The following ECM2 variants were observed in gnomAD, a reference collection of about 807,000 sequenced individuals.
The protein encoded by ECM2 is extracellular matrix protein 2.
In ECM2, 57 loss-of-function variants were observed where a neutral mutation model predicts 67.5. That is an observed-to-expected ratio of 0.84 (90% CI 0.68 to 1.05). The LOEUF is 1.05. ECM2 is among the 50% of genes least tolerant of loss of function. The pLI is 0.00. For synonymous variants in ECM2, 258 were observed against 294.5 expected (o/e 0.88, Z 1.27); for missense variants, 741 against 822.8 (o/e 0.90, Z 1.22).
chr9:92,527,238 T>G (rs1298082267), intron 1 of ECM2, among the ~76,000 whole-genome samples: 1 of 152,184 alleles, frequency 6.6e-6, no homozygotes, highest in Non-Finnish European at 1.5e-5. Context: ...CTCAAACTCC[T>G]GAGCTCAAGT....
the ECM2 span, among the ~76,000 whole-genome samples, chr9:92,558,549 G>A: frequency 6.6e-5 from 10 of 152,242 alleles, no homozygotes; most frequent in Non-Finnish European, 1.2e-4. Flanking sequence ...GGTGGCAGAG[G>A]GTGCAATGGA....
chr9:92,509,711 A>T (rs1053026613), intron 6 of ECM2, among the ~76,000 whole-genome samples, 188 bp downstream of exon 6: 1 of 152,260 alleles, frequency 6.6e-6, no homozygotes, highest in Non-Finnish European at 1.5e-5. Context: ...CAAAGACAAT[A>T]GGCAGTTTAA....
chr9:92,547,591 G>A, the ECM2 span, among the ~76,000 whole-genome samples: 26,806 of 152,168 alleles, frequency 0.18, 3,425 homozygotes, highest in East Asian at 0.66. Flanking sequence ...GATTTCATTC[G>A]TATGAAATGT....
chr9:92,551,669 C>T, the ECM2 span, among the ~76,000 whole-genome samples: 1 of 151,786 alleles, frequency 6.6e-6, no homozygotes, highest in Non-Finnish European at 1.5e-5. Context: ...TATCCCTCAC[C>T]CCACTCCCAC....
chr9:92,551,202 G>A, the ECM2 span, among the ~76,000 whole-genome samples: 2 of 152,170 alleles, frequency 1.3e-5, no homozygotes, highest in African/African-American at 4.8e-5. Context: ...GGGATTGGAA[G>A]CCAGGAATTA....
In ECM2 at chr9:92,517,770, C is replaced by T; in HGVS notation, c.398G>A (p.Cys133Tyr). 1.2e-6 allele frequency: 2 copies of T among 1,614,198 alleles called. No homozygotes were observed. Among genetic ancestry groups the T allele is most frequent in the African/African-American group, 1.3e-5 (1 of 75,052 alleles). The change falls in exon 3 of 10, where the codon TGT becomes TAT. Residue 133 changes from cysteine to tyrosine, a missense_variant. Physicochemically the swap from Cys to Tyr is radical, Grantham distance 194. Coordinates refer to ENST00000344604, the MANE Select transcript of ECM2 (RefSeq NM_001393.4). Reference protein sequence around the residue: ...TCLCSDGRVLCDETMCHPQRC... With the variant: ...TCLCSDGRVLYDETMCHPQRC... ...CTGGGGATGGCACATGGTTTCATCA[C>T]AAAGAACTCTTCCATCTGAGCAGAG...
chr9:92,555,003 TTTGTTGTTGTTGTTGTTG>T, the ECM2 span, among the ~76,000 whole-genome samples: 4 of 149,706 alleles, frequency 2.7e-5, no homozygotes, highest in Non-Finnish European at 5.9e-5. Context: ...GTCTGTATTG[TTTGTTGTTGTTGTTGTTG>T]TTGTTGTTGT....
chr9:92,496,054 T>C lies in ECM2; in HGVS notation c.*261A>G. 1 of 1,069,054 alleles carries C rather than the reference T, an allele frequency of 9.4e-7. No individual in the cohort carries two copies. The highest frequency in any genetic ancestry group is 3.9e-5 in the South Asian group (1 of 25,960). The allele number at this position is 1,069,054 out of a possible 1,614,324, so 66.2% of individuals were successfully genotyped here. A position where few individuals can be genotyped will look rare whatever the true frequency, so the allele number is the denominator to read the frequency against. On this transcript the variant is annotated 3_prime_UTR_variant, in exon 10 of 10. Coordinates refer to ENST00000344604, the MANE Select transcript of ECM2 (RefSeq NM_001393.4). ...CAGACTCTTCTGGTCTAGCTCAGTA[T>C]GCATAATATCCTATTCTAGTGAGAT...
At chr9:92,552,286 A>C in the ECM2 span, among the ~76,000 whole-genome samples, 1 of 151,696 alleles carries the variant, frequency 6.6e-6, no homozygotes, top group Non-Finnish European at 1.5e-5. Flanking sequence ...GCAACTGTGA[A>C]TTGTGCTGCT....
intron 8 of ECM2, among the ~76,000 whole-genome samples, chr9:92,501,820 A>C (rs1180929683): frequency 6.6e-6 from 1 of 152,108 alleles, no homozygotes; most frequent in East Asian, 1.9e-4. Flanking sequence ...CCCAGATCCC[A>C]GTTGTCTGCT....
intron 2 of ECM2, among the ~76,000 whole-genome samples, chr9:92,518,988 G>A (rs1847899814): frequency 6.6e-6 from 1 of 152,120 alleles, no homozygotes; most frequent in Non-Finnish European, 1.5e-5. Flanking sequence ...AGCTAAGCAG[G>A]CCATTAGAAA....
Position 92,528,886 on chromosome 9 carries a change from C to A in ECM2, c.-27-5993G>T, listed in dbSNP as rs74513654. Among the ~76,000 whole-genome samples, 712 of 152,306 alleles carry A rather than the reference C, an allele frequency of 4.7e-3. 4 individuals carry two copies. Among genetic ancestry groups the A allele is most frequent in the African/African-American group, 0.015 (614 of 41,564 alleles). On this transcript the variant is annotated intron_variant, in intron 1 of 9. Transcript: ENST00000344604. ...AAAGTTGACCCATAATGGGAAAAAT[C>A]AGTTTATTGAAACCAGTTCAGAAAT...
chr9:92,512,418 G>A (rs1456551146), intron 4 of ECM2, among the ~76,000 whole-genome samples: 1 of 152,238 alleles, frequency 6.6e-6, no homozygotes, highest in Non-Finnish European at 1.5e-5. Flanking sequence ...GTCTGCTGGA[G>A]AGTACTGGTA....
At chr9:92,554,191 T>C in the ECM2 span, among the ~76,000 whole-genome samples, 8 of 152,082 alleles carry the variant, frequency 5.3e-5, no homozygotes, top group East Asian at 1.5e-3. Flanking sequence ...TTTAATTCTT[T>C]TTTTTTTTTG....
At chr9:92,553,419 A>G in the ECM2 span, among the ~76,000 whole-genome samples, 1 of 151,960 alleles carries the variant, frequency 6.6e-6, no homozygotes, top group African/African-American at 2.4e-5. Context: ...GAATTTTAGA[A>G]TTGTTTTTTC....
intron 1 of ECM2, among the ~76,000 whole-genome samples, chr9:92,532,445 C>A (rs1349341722): frequency 6.6e-6 from 1 of 151,918 alleles, no homozygotes; most frequent in Non-Finnish European, 1.5e-5. Flanking sequence ...TCCCTTTTTT[C>A]ATTCTTTCTA....
At chr9:92,508,976 A>G (rs1248909341) in intron 6 of ECM2, among the ~76,000 whole-genome samples, 1 of 152,064 alleles carries the variant, frequency 6.6e-6, no homozygotes, top group Non-Finnish European at 1.5e-5. Flanking sequence ...CCTTGTCTCA[A>G]AAAAGTACAC....
intron 4 of ECM2, 49 bp from the exon 5 acceptor site, chr9:92,512,175 T>C (rs1333705724): frequency 3.2e-6 from 4 of 1,259,142 alleles, no homozygotes; most frequent in Admixed American, 3.5e-5. Context: ...TATACATACA[T>C]GTACACACAT....
the ECM2 span, among the ~76,000 whole-genome samples, chr9:92,557,032 C>T: frequency 6.6e-6 from 1 of 152,120 alleles, no homozygotes; most frequent in Non-Finnish European, 1.5e-5. Flanking sequence ...TTAGTAGTGG[C>T]GAATTCTCTC....
Sources: gnomAD v4.1 joint callset for allele counts (sites outside exome capture counted in the v4.1 genomes callset) on GRCh38, gnomAD v4.1.1 for gene constraint, MANE v1.5 for transcripts, NCBI Gene and HGNC (gene_info 2026-07-23, HGNC 2026-07-21) for gene names.